Variants in PDE4D observed in about 807,000 individuals in gnomAD.
The protein encoded by PDE4D is 3',5'-cyclic-AMP phosphodiesterase 4D.
In PDE4D, 24 loss-of-function variants were observed where a neutral mutation model predicts 87.4. That is an observed-to-expected ratio of 0.27 (90% CI 0.20 to 0.39). PDE4D has a LOEUF of 0.39. Ranked by LOEUF, PDE4D falls within the 10% of genes least tolerant of loss-of-function variation. The pLI is 1.00. For missense variants in PDE4D, 714 were observed against 1,041.0 expected (o/e 0.69, Z 4.32); for synonymous variants, 384 against 383.2 (o/e 1.00, Z -0.02).
chr5:58,991,937 C>T lies in PDE4D; in HGVS notation c.1083G>A (p.Met361Ile). The T allele has an allele frequency of 6.2e-7, 1 of 1,604,476 alleles. No homozygotes were observed. Among genetic ancestry groups the T allele is most frequent in the Non-Finnish European group, 8.5e-7 (1 of 1,174,896 alleles). The stretch of plus-strand genomic sequence containing the variant: ...ATTTCTTGACTCCACTGATCTGAGA[C>T]ATTGGTCTTTTCTTTTTCTCCTTTT... ...QKEKEKKKRP[M>I]SQISGVKKLM... The change falls in exon 8 of 15, where the codon ATG becomes ATA. Residue 361 changes from methionine (M) to isoleucine (I), a missense_variant. Met to Ile is a conservative substitution (Grantham distance 10). Coordinates refer to ENST00000340635, the MANE Select transcript of PDE4D (RefSeq NM_001104631.2).
At chr5:59,784,542 T>A (rs1764962748) in intron 1 of PDE4D, among the ~76,000 whole-genome samples, 2 of 152,322 alleles carry the variant, frequency 1.3e-5, no homozygotes, top group South Asian at 4.1e-4. Flanking sequence ...GCTAATTTGT[T>A]TTAATATTAG....
At chr5:60,047,049 G>C (rs1261851781) in intron 2 of PDE4D, among the ~76,000 whole-genome samples, 15 of 152,270 alleles carry the variant, frequency 9.9e-5, no homozygotes, top group African/African-American at 3.6e-4. Context: ...TTCAGAGCCT[G>C]TTATTGGTCT....
intron 2 of PDE4D, among the ~76,000 whole-genome samples, chr5:60,148,123 C>A (rs1174138258): frequency 1.3e-5 from 2 of 152,138 alleles, no homozygotes; most frequent in Admixed American, 6.5e-5. Flanking sequence ...TCTAAAGAAT[C>A]TGATGTTCCA....
chr5:60,145,858 C>T (rs1193211164), intron 2 of PDE4D, among the ~76,000 whole-genome samples: 1 of 152,176 alleles, frequency 6.6e-6, no homozygotes, highest in Non-Finnish European at 1.5e-5. Flanking sequence ...ATAAGATATG[C>T]CCTTGCCTTT....
intron 1 of PDE4D, among the ~76,000 whole-genome samples, chr5:59,344,234 A>G (rs984654740): frequency 2.6e-5 from 4 of 152,164 alleles, no homozygotes; most frequent in African/African-American, 9.7e-5. Flanking sequence ...TAACCAAGAA[A>G]TACTAAAAGA....
intron 1 of PDE4D, among the ~76,000 whole-genome samples, chr5:59,637,845 C>G (rs1035214753): frequency 6.6e-6 from 1 of 152,080 alleles, no homozygotes; most frequent in Non-Finnish European, 1.5e-5. Flanking sequence ...GTTTTCAATA[C>G]TTCTGTTGAA....
At chr5:59,436,263 G>T (rs1363216494) in intron 1 of PDE4D, among the ~76,000 whole-genome samples, 2 of 152,058 alleles carry the variant, frequency 1.3e-5, no homozygotes, top group Non-Finnish European at 2.9e-5. Context: ...TATCATGAAG[G>T]TCATCACAGT....
In PDE4D at chr5:59,311,499, C is replaced by CAAAAA. The variant is rs35020719; in HGVS notation, c.456-95536_456-95532dup. Among the ~76,000 whole-genome samples the CAAAAA allele has an allele frequency of 1.4e-3, 62 of 43,338 alleles. 4 individuals are homozygous for CAAAAA. The highest frequency in any genetic ancestry group is 5.2e-3 in the African/African-American group (55 of 10,582). 28.4% of individuals were successfully genotyped at this position (43,338 alleles called of 152,430 possible). On this transcript the variant is annotated intron_variant, in intron 1 of 14. Coordinates refer to ENST00000340635, the MANE Select transcript of PDE4D (RefSeq NM_001104631.2). ...TGAGCAACAGAGAGAGACTCTGTCTCAAAAAAAAAAAAAAAAAAAAAAAAA... is the reference window on the plus strand; with the variant it reads ...TGAGCAACAGAGAGAGACTCTGTCTCAAAAAAAAAAAAAAAAAAAAAAAAAAAAAA...
chr5:59,377,970 A>T (rs1251572205), intron 1 of PDE4D, among the ~76,000 whole-genome samples: 1 of 152,184 alleles, frequency 6.6e-6, no homozygotes, highest in African/African-American at 2.4e-5. Flanking sequence ...TTATAATGAC[A>T]CAGGCATGTG....
intron 2 of PDE4D, among the ~76,000 whole-genome samples, chr5:60,102,980 A>C (rs73759013): frequency 0.17 from 24,125 of 140,998 alleles, 2,493 homozygotes; most frequent in Middle Eastern, 0.28. Context: ...GAAATGACAA[A>C]AAAAAAAAAA....
intron 1 of PDE4D, among the ~76,000 whole-genome samples, chr5:59,876,717 A>G (rs1748654219): frequency 6.6e-6 from 1 of 152,180 alleles, no homozygotes; most frequent in South Asian, 2.1e-4. Flanking sequence ...AAACTCTTCT[A>G]TATGAGGAAC....
At chr5:60,063,922 G>A (rs990178754) in intron 2 of PDE4D, among the ~76,000 whole-genome samples, 1 of 152,040 alleles carries the variant, frequency 6.6e-6, no homozygotes, top group Non-Finnish European at 1.5e-5. Flanking sequence ...GTTTACTTTA[G>A]GGGTAGGATG....
chr5:59,561,082 C>T (rs1437230119), intron 1 of PDE4D, among the ~76,000 whole-genome samples: 3 of 152,298 alleles, frequency 2.0e-5, no homozygotes, highest in African/African-American at 7.2e-5. Context: ...TTGAGGTTAA[C>T]AAAGTTGCAT....
At chr5:59,721,468 T>G (rs957182093) in intron 1 of PDE4D, among the ~76,000 whole-genome samples, 1 of 152,294 alleles carries the variant, frequency 6.6e-6, no homozygotes, top group Non-Finnish European at 1.5e-5. Context: ...TAGGGACTAC[T>G]GGAAGTAATT....
intron 1 of PDE4D, among the ~76,000 whole-genome samples, chr5:59,853,380 A>T (rs1744962722): frequency 6.8e-6 from 1 of 146,470 alleles, no homozygotes; most frequent in African/African-American, 2.8e-5. Flanking sequence ...TCTTAAATGT[A>T]ATTTGTTCTG....
Position 59,247,616 on chromosome 5 carries a change from T to C in PDE4D, c.456-31648A>G, listed in dbSNP as rs188452144. Reference sequence around the variant, plus strand: ...ATGTTACTAAGGATACCCTTGATTATGTAATAGGCACTTGCATTACAAAAA... The same window carrying C: ...ATGTTACTAAGGATACCCTTGATTACGTAATAGGCACTTGCATTACAAAAA... On this transcript the variant is annotated intron_variant, in intron 1 of 14. Coordinates refer to ENST00000340635, the MANE Select transcript of PDE4D (RefSeq NM_001104631.2). Among the ~76,000 whole-genome samples, 23 of 152,282 alleles carry C rather than the reference T, an allele frequency of 1.5e-4. No individual in the cohort carries two copies. The South Asian group carries it at 3.5e-3, about 23-fold the overall frequency.
chr5:59,471,994 T>C (rs1030776379), intron 1 of PDE4D, among the ~76,000 whole-genome samples: 3 of 152,206 alleles, frequency 2.0e-5, no homozygotes, highest in African/African-American at 7.2e-5. Flanking sequence ...ATGACATAAA[T>C]AGCCCTACCA....
At chr5:60,202,932 G>A (rs1290016210) in intron 1 of PDE4D, among the ~76,000 whole-genome samples, 2 of 152,146 alleles carry the variant, frequency 1.3e-5, no homozygotes, top group East Asian at 3.9e-4. Flanking sequence ...ACATGGATGT[G>A]CAAAGATGAC....
chr5:60,097,444 A>T (rs1401878857), intron 2 of PDE4D, among the ~76,000 whole-genome samples: 1 of 152,062 alleles, frequency 6.6e-6, no homozygotes, highest in Admixed American at 6.6e-5. Flanking sequence ...TTAAGTAAAA[A>T]GAAATTGTGA....
Sources: allele counts gnomAD v4.1 joint callset (sites outside exome capture counted in the v4.1 genomes callset), GRCh38; gene constraint gnomAD v4.1.1; transcripts MANE v1.5; gene names NCBI Gene and HGNC (gene_info 2026-07-23, HGNC 2026-07-21).